Variants in PRRC2C observed in about 807,000 individuals in gnomAD.
PRRC2C encodes the protein proline rich coiled-coil 2C.
In PRRC2C, 72 loss-of-function variants were observed where a neutral mutation model predicts 317.2. That is an observed-to-expected ratio of 0.23 (90% CI 0.19 to 0.28). The LOEUF is 0.28. Among genes scored for constraint, PRRC2C ranks in the 10% least tolerant of loss-of-function variants. The probability of loss-of-function intolerance (pLI) is 1.00; values close to 1 mark genes in which losing one functional copy is unlikely to be tolerated. For missense variants in PRRC2C, 3,074 were observed against 3,459.7 expected (o/e 0.89, Z 2.80); for synonymous variants, 1,296 against 1,205.9 (o/e 1.07, Z -1.55).
chr1:171,557,189 G>A, intron 18 of PRRC2C, 51 bp from the exon 19 acceptor site: 1 of 1,489,760 alleles, frequency 6.7e-7, no homozygotes, highest in East Asian at 2.5e-5. Context: ...TTTATGAACT[G>A]TTGCATTCAG....
chr1:171,554,568 G>A (rs754043336), intron 18 of PRRC2C, among the ~76,000 whole-genome samples: 26 of 152,164 alleles, frequency 1.7e-4, no homozygotes, highest in Non-Finnish European at 3.4e-4. Context: ...AGCATTGATG[G>A]TCTTTACAAT....
intron 6 of PRRC2C, 104 bp downstream of exon 6, chr1:171,517,918 C>T (rs1672672458): frequency 1.1e-6 from 1 of 898,136 alleles, no homozygotes; most frequent in African/African-American, 1.7e-5. Context: ...TTTTCATTAA[C>T]ATCTAACTAA....
In PRRC2C at chr1:171,592,157, C is replaced by A. The variant is rs1401214285; in HGVS notation, c.*310C>A. ...TGCATATAATTTAGACCTAAAAATC[C>A]TTATGATTAGATGAAACACCAAAAA... On this transcript the variant is annotated 3_prime_UTR_variant, in exon 35 of 35. Transcript: ENST00000647382. The A allele has an allele frequency of 2.0e-5, 5 of 250,224 alleles. No individual in the cohort carries two copies. Among genetic ancestry groups the A allele is most frequent in the Non-Finnish European group, 3.8e-5 (5 of 131,624 alleles). The allele number at this position is 250,224 out of a possible 1,614,324, so 15.5% of individuals were successfully genotyped here. A position where few individuals can be genotyped will look rare whatever the true frequency, so the allele number is the denominator to read the frequency against.
chr1:171,546,425 A>G (rs1679128328), intron 17 of PRRC2C, among the ~76,000 whole-genome samples: 1 of 152,212 alleles, frequency 6.6e-6, no homozygotes, highest in Non-Finnish European at 1.5e-5. Context: ...ATTCTAGTAT[A>G]AGAGATATAG....
At position 171,581,656 on chromosome 1, in the gene PRRC2C, A is replaced by G. The variant is rs546258378; in HGVS notation, c.7409+1692A>G. ...CTAATCAGCATAGTGTTTATTAGGG[A>G]ATCTCTGAACTGGTTTCTGCAAAGA... On this transcript the variant is annotated intron_variant, in intron 28 of 34. Transcript: ENST00000647382. Among the ~76,000 whole-genome samples the G allele has an allele frequency of 4.6e-5, 7 of 152,252 alleles. No individual in the cohort carries two copies. In the South Asian group the frequency reaches 1.5e-3, roughly 32 times the overall value.
chr1:171,530,838 T>C (rs1170661040), intron 11 of PRRC2C, among the ~76,000 whole-genome samples: 3 of 152,198 alleles, frequency 2.0e-5, no homozygotes, highest in Non-Finnish European at 2.9e-5. Context: ...AGTTTGGCAG[T>C]TTCTTGTAAA....
intron 1 of PRRC2C, chr1:171,510,899 A>G (rs1438115213): frequency 1.3e-5 from 2 of 152,220 alleles, no homozygotes; most frequent in East Asian, 3.8e-4. Context: ...GAAATGAGAT[A>G]ATAGAGGTGA....
chr1:171,486,194 T>A (rs1021757790), intron 1 of PRRC2C, among the ~76,000 whole-genome samples: 3 of 151,048 alleles, frequency 2.0e-5, no homozygotes, highest in African/African-American at 7.3e-5. Flanking sequence ...TGTCTACCTC[T>A]TCCTGTGTAG....
At chr1:171,567,666 A>G (rs1485018272) in intron 22 of PRRC2C, among the ~76,000 whole-genome samples, 8 of 152,230 alleles carry the variant, frequency 5.3e-5, no homozygotes, top group Non-Finnish European at 8.8e-5. Context: ...GGAAACACAC[A>G]AAAGATTCTT....
chr1:171,559,984 A>G (rs1466714191), intron 19 of PRRC2C, among the ~76,000 whole-genome samples: 4 of 152,198 alleles, frequency 2.6e-5, no homozygotes, highest in African/African-American at 7.2e-5. Flanking sequence ...GCCTTCCAAC[A>G]TGGCATCCAT....
At chr1:171,581,377 GAA>G in intron 28 of PRRC2C, among the ~76,000 whole-genome samples, 1 of 152,306 alleles carries the variant, frequency 6.6e-6, no homozygotes, top group Non-Finnish European at 1.5e-5. Flanking sequence ...TCAGTACTGT[GAA>G]AAAGAGTACA....
rs1490360746 is a variant in PRRC2C at position 171,559,505 on chromosome 1, GTTTGTTTTTTTTTTTTTT to G, written c.6031+1366_6031+1383del. On this transcript the variant is annotated intron_variant, in intron 19 of 34. Transcript: ENST00000647382. ...ATCTGTTTACAAAATGGCATACCAA[GTTTGTTTTTTTTTTTTTT>G]TTTTTTTTTTTTTTTTTGAGACAGT... Among the ~76,000 whole-genome samples, 183 of 95,136 alleles carry G rather than the reference GTTTGTTTTTTTTTTTTTT, an allele frequency of 1.9e-3. 3 individuals are homozygous for G. The highest frequency in any genetic ancestry group is 7.2e-3 in the African/African-American group (180 of 24,888). The allele number at this position is 95,136 out of a possible 152,430, so 62.4% of individuals were successfully genotyped here.
intron 22 of PRRC2C, 22 bp downstream of exon 22, chr1:171,566,865 C>A: frequency 6.3e-7 from 1 of 1,587,152 alleles, no homozygotes; most frequent in East Asian, 2.2e-5. Flanking sequence ...GTAGGGATTA[C>A]CAGTTCAACA....
rs988643172 is a variant in PRRC2C, at chr1:171,592,701, T to G, written c.*854T>G. The G allele has an allele frequency of 5.9e-5, 9 of 151,800 alleles. No homozygotes were observed. Among genetic ancestry groups the G allele is most frequent in the African/African-American group, 2.2e-4 (9 of 41,244 alleles). 9.4% of individuals were successfully genotyped at this position (151,800 alleles called of 1,614,324 possible). Reference sequence around the variant, plus strand: ...TTGTATGAATCCCATGATTTGGGGGTTTTTTTCTTTTTTTTTTTATACCAG... The same window carrying G: ...TTGTATGAATCCCATGATTTGGGGGGTTTTTTCTTTTTTTTTTTATACCAG... On this transcript the variant is annotated 3_prime_UTR_variant, in exon 35 of 35. Coordinates refer to ENST00000647382, the MANE Select transcript of PRRC2C (RefSeq NM_001387844.1).
chr1:171,575,196 G>A (rs972049549), intron 25 of PRRC2C, 68 bp downstream of exon 25: 2 of 1,378,960 alleles, frequency 1.5e-6, no homozygotes, highest in African/African-American at 2.9e-5. Flanking sequence ...ATCTCTTCTT[G>A]TTTACTATCT....
chr1:171,489,706 C>T (rs1441175409), intron 1 of PRRC2C, among the ~76,000 whole-genome samples: 1 of 152,096 alleles, frequency 6.6e-6, no homozygotes, highest in African/African-American at 2.4e-5. Flanking sequence ...AAGTAATTTG[C>T]TCAAAGTTAC....
At chr1:171,514,969 A>G (rs565416514) in intron 4 of PRRC2C, among the ~76,000 whole-genome samples, 1 of 152,350 alleles carries the variant, frequency 6.6e-6, no homozygotes, top group South Asian at 2.1e-4. Flanking sequence ...GTTAGAAACC[A>G]TACTCATTTT....
chr1:171,509,824 A>G (rs1462128767), intron 1 of PRRC2C: 1 of 141,032 alleles, frequency 7.1e-6, no homozygotes, highest in Admixed American at 7.2e-5. Flanking sequence ...CTAGAATCAC[A>G]TGTCTCAGAA....
rs770060535 is a variant in PRRC2C, at chr1:171,540,787, G to A, written c.3321G>A (p.Lys1107=). ...AAAAACCATCTCAGGATACTGAGAAGCCTCTGGAACCTGTGAGTACTGTTC... is the reference window on the plus strand; with the variant it reads ...AAAAACCATCTCAGGATACTGAGAAACCTCTGGAACCTGTGAGTACTGTTC... ...LAQKPSQDTE[K]PLEPVSTVQV... is the part of the protein sequence containing the mutation. The change falls in exon 16 of 35, where the codon AAG becomes AAA. Residue 1107 remains lysine, a synonymous_variant. Transcript: ENST00000647382. 6.2e-7 allele frequency: 1 copy of A among 1,613,916 alleles called. No homozygotes were observed. The highest frequency in any genetic ancestry group is 1.1e-5 in the South Asian group (1 of 91,076).
Sources: gnomAD v4.1 joint callset for allele counts (sites outside exome capture counted in the v4.1 genomes callset) on GRCh38, gnomAD v4.1.1 for gene constraint, MANE v1.5 for transcripts, NCBI Gene and HGNC (gene_info 2026-07-23, HGNC 2026-07-21) for gene names.